GRID2: variants seen among roughly 807,000 people sequenced by gnomAD.
GRID2 encodes the protein glutamate ionotropic receptor delta type subunit 2, also known as glutamate receptor ionotropic, delta-2.
In GRID2, 33 loss-of-function variants were observed where a neutral mutation model predicts 114.8. The observed-to-expected ratio is 0.29, with a 90% CI of 0.22 to 0.38. The LOEUF is 0.38. Ranked by LOEUF, GRID2 falls within the 10% of genes least tolerant of loss-of-function variation. GRID2 has a pLI of 1.00. For missense variants in GRID2, 1,184 were observed against 1,257.7 expected (o/e 0.94, Z 0.89); for synonymous variants, 505 against 449.9 (o/e 1.12, Z -1.55).
At chr4:92,740,431 A>C (rs1174568654) in intron 2 of GRID2, among the ~76,000 whole-genome samples, 1 of 152,134 alleles carries the variant, frequency 6.6e-6, no homozygotes, top group African/African-American at 2.4e-5. Context: ...CTGTCACATC[A>C]CTGAAATGTC....
chr4:92,696,842 CTT>C (rs1157992529), intron 2 of GRID2, among the ~76,000 whole-genome samples: 3 of 152,132 alleles, frequency 2.0e-5, no homozygotes, highest in African/African-American at 7.2e-5. Context: ...AGCTGAGCCT[CTT>C]GTTACCTTGC....
intron 1 of GRID2, among the ~76,000 whole-genome samples, chr4:92,455,994 T>A (rs1280556489): frequency 6.6e-6 from 1 of 152,214 alleles, no homozygotes; most frequent in Non-Finnish European, 1.5e-5. Flanking sequence ...ATTTCATATA[T>A]TTGGAAACGG....
Position 93,376,957 on chromosome 4 carries a change from A to G in GRID2, c.1246-18650A>G, listed in dbSNP as rs754047969. ...TTTGTAACAAACCTGCACATCCTGC[A>G]CATGTACCTGCACATGAACTAAAAA... On this transcript the variant is annotated intron_variant, in intron 8 of 15. Transcript: ENST00000282020. Among the ~76,000 whole-genome samples, 37 of 152,338 alleles carry G rather than the reference A, an allele frequency of 2.4e-4. 1 individual carries two copies. The highest frequency in any genetic ancestry group is 5.0e-4 in the Non-Finnish European group (34 of 68,024).
intron 14 of GRID2, among the ~76,000 whole-genome samples, chr4:93,681,131 C>T (rs143257096): frequency 0.038 from 5,685 of 151,180 alleles, 500 homozygotes; most frequent in African/African-American, 0.13. Flanking sequence ...TCTTATACAC[C>T]AATAACAGAC....
chr4:92,377,291 G>T (rs759696235), intron 1 of GRID2, among the ~76,000 whole-genome samples: 1 of 152,080 alleles, frequency 6.6e-6, no homozygotes, highest in Non-Finnish European at 1.5e-5. Flanking sequence ...GGGACAAAAT[G>T]CTGCCAGTCT....
At chr4:93,292,731 C>G (rs1753879032) in intron 8 of GRID2, among the ~76,000 whole-genome samples, 1 of 152,174 alleles carries the variant, frequency 6.6e-6, no homozygotes, top group Non-Finnish European at 1.5e-5. Flanking sequence ...AGATTTAAAA[C>G]TGCCACATTG....
Position 92,623,549 on chromosome 4 carries a change from G to C in GRID2, c.244+33263G>C, listed in dbSNP as rs555687142. ...CCATCTGTGATCATGTGTGCAATAA[G>C]AATTTGAGTGGAATAAAATGTGTGT... is the stretch of plus-strand genomic sequence containing the variant. On this transcript the variant is annotated intron_variant, in intron 2 of 15. Transcript: ENST00000282020. Among the ~76,000 whole-genome samples, 4 of 151,880 alleles carry C rather than the reference G, an allele frequency of 2.6e-5. No individual in the cohort carries two copies. In the South Asian group the frequency reaches 8.3e-4, roughly 31 times the overall value.
chr4:92,623,733 C>T (rs1388165570), intron 2 of GRID2, among the ~76,000 whole-genome samples: 1 of 151,726 alleles, frequency 6.6e-6, no homozygotes, highest in African/African-American at 2.4e-5. Flanking sequence ...CGCTAACACC[C>T]ACAGTCATGT....
intron 1 of GRID2, among the ~76,000 whole-genome samples, chr4:92,327,898 T>G (rs1156967980): frequency 6.6e-6 from 1 of 151,946 alleles, no homozygotes; most frequent in African/African-American, 2.4e-5. Flanking sequence ...AAGACTATAG[T>G]GCATTATTTA....
intron 14 of GRID2, among the ~76,000 whole-genome samples, chr4:93,712,593 A>T (rs1024760285): frequency 5.3e-5 from 8 of 152,160 alleles, no homozygotes; most frequent in Admixed American, 6.6e-5. Flanking sequence ...TATAAATTTC[A>T]TGAGGACATA....
chr4:93,128,952 C>T (rs1163455427), intron 4 of GRID2, among the ~76,000 whole-genome samples: 1 of 152,194 alleles, frequency 6.6e-6, no homozygotes, highest in Non-Finnish European at 1.5e-5. Flanking sequence ...TATCCATTCC[C>T]TATTCTACCA....
intron 2 of GRID2, among the ~76,000 whole-genome samples, chr4:92,722,942 T>G (rs1208908159): frequency 6.6e-6 from 1 of 152,168 alleles, no homozygotes; most frequent in African/African-American, 2.4e-5. Flanking sequence ...AAATCTTTTG[T>G]GAATTGTTAA....
chr4:93,785,686 A>G (rs1010487131), intron 1 of GRID2, among the ~76,000 whole-genome samples: 1 of 152,222 alleles, frequency 6.6e-6, no homozygotes, highest in African/African-American at 2.4e-5. Flanking sequence ...TAAAGCGGTG[A>G]CCTGATCATG....
intron 2 of GRID2, among the ~76,000 whole-genome samples, chr4:93,067,552 A>G (rs967783909): frequency 2.6e-5 from 4 of 152,024 alleles, no homozygotes; most frequent in Non-Finnish European, 1.5e-5. Context: ...CAAAGACCCT[A>G]CATCTTAATA....
chr4:92,922,060 C>T (rs1253696616), intron 2 of GRID2, among the ~76,000 whole-genome samples: 2 of 152,188 alleles, frequency 1.3e-5, no homozygotes, highest in African/African-American at 4.8e-5. Flanking sequence ...GAGCCCCTCC[C>T]TCAGCCTTGC....
Position 93,737,097 on chromosome 4 carries a change from T to G in GRID2, c.2361-32113T>G, listed in dbSNP as rs549183272. Among the ~76,000 whole-genome samples, 95 of 152,178 alleles carry G rather than the reference T, an allele frequency of 6.2e-4. No homozygotes were observed. The South Asian group carries it at 6.4e-3, about 10-fold the overall frequency. ...ATTTTTAGTTGTAAAATGGAACTAA[T>G]AATGTAGTTTCTTGGAGTTGCTTGG... On this transcript the variant is annotated intron_variant, in intron 14 of 15. Coordinates refer to ENST00000282020, the MANE Select transcript of GRID2 (RefSeq NM_001510.4).
intron 14 of GRID2, among the ~76,000 whole-genome samples, chr4:93,684,296 C>A (rs73839798): frequency 0.047 from 7,090 of 152,048 alleles, 220 homozygotes; most frequent in African/African-American, 0.089. Context: ...TAAATGAAAT[C>A]CTTGTGTTCT....
chr4:93,552,985 G>C (rs893311996), intron 13 of GRID2, among the ~76,000 whole-genome samples: 1 of 152,068 alleles, frequency 6.6e-6, no homozygotes, highest in African/African-American at 2.4e-5. Flanking sequence ...TGGCTGCATA[G>C]TATTCCATGG....
At chr4:93,421,316 T>C (rs1025007880) in intron 9 of GRID2, among the ~76,000 whole-genome samples, 1 of 152,146 alleles carries the variant, frequency 6.6e-6, no homozygotes, top group Non-Finnish European at 1.5e-5. Context: ...TTATTCTCCA[T>C]AGTGGTAAAA....
Sources: gnomAD v4.1 joint callset for allele counts (sites outside exome capture counted in the v4.1 genomes callset) on GRCh38, gnomAD v4.1.1 for gene constraint, MANE v1.5 for transcripts, NCBI Gene and HGNC (gene_info 2026-07-23, HGNC 2026-07-21) for gene names.